The following CNNM2 variants were observed in gnomAD, a reference collection of about 807,000 sequenced individuals.
The protein encoded by CNNM2 is metal transporter CNNM2.
A neutral mutation model predicts 66.9 loss-of-function variants in CNNM2; 12 were observed. That is an observed-to-expected ratio of 0.18 (90% CI 0.11 to 0.29). The LOEUF (loss-of-function observed/expected upper bound fraction) is 0.29, where lower values mean the gene tolerates loss of function less well. Ranked by LOEUF, CNNM2 falls within the 10% of genes least tolerant of loss-of-function variation. CNNM2 has a pLI of 1.00. For synonymous variants in CNNM2, 557 were observed against 501.8 expected, an observed-to-expected ratio of 1.11 and a Z score of -1.47; for missense variants, 705 against 1,167.7, an observed-to-expected ratio of 0.60 and a Z score of 5.77.
At chr10:103,020,817 G>C (rs2064560246) in intron 1 of CNNM2, among the ~76,000 whole-genome samples, 1 of 151,944 alleles carries the variant, frequency 6.6e-6, no homozygotes, top group African/African-American at 2.4e-5. Context: ...TAGGAACAGT[G>C]GATTGAAAAC....
intron 2 of CNNM2, among the ~76,000 whole-genome samples, chr10:103,052,455 A>T (rs547513355): frequency 1.3e-5 from 2 of 152,064 alleles, no homozygotes; most frequent in South Asian, 2.1e-4. Flanking sequence ...GACTGATCTC[A>T]TACAGAAGTG....
intron 1 of CNNM2, among the ~76,000 whole-genome samples, chr10:103,036,138 C>G (rs1036600513): frequency 5.3e-5 from 8 of 151,722 alleles, no homozygotes; most frequent in Admixed American, 3.9e-4. Context: ...GACACACACA[C>G]ACACACACAC....
intron 1 of CNNM2, among the ~76,000 whole-genome samples, chr10:102,924,712 C>T (rs1178622325): frequency 2.0e-5 from 3 of 151,882 alleles, no homozygotes; most frequent in Admixed American, 2.0e-4. Context: ...TCAAGCAATC[C>T]TCCCATCTGA....
chr10:102,954,290 G>C (rs750171958), intron 1 of CNNM2, among the ~76,000 whole-genome samples: 39 of 151,704 alleles, frequency 2.6e-4, no homozygotes, highest in Non-Finnish European at 5.3e-4. Flanking sequence ...ACCATGCCTG[G>C]CTCATTCTTT....
chr10:102,991,277 C>T (rs929182544), intron 1 of CNNM2, among the ~76,000 whole-genome samples: 4 of 152,102 alleles, frequency 2.6e-5, no homozygotes, highest in Non-Finnish European at 5.9e-5. Context: ...TGTGACTCGC[C>T]GCACCAGGCC....
intron 1 of CNNM2, among the ~76,000 whole-genome samples, chr10:102,952,622 CAAAAAAA>C (rs35818455): frequency 1.6e-5 from 2 of 127,092 alleles, no homozygotes; most frequent in Admixed American, 7.9e-5. Flanking sequence ...CTGTCTCTAC[CAAAAAAA>C]AAAAAAAAAA....
At chr10:103,030,580 G>T (rs192171302) in intron 1 of CNNM2, among the ~76,000 whole-genome samples, 1 of 152,146 alleles carries the variant, frequency 6.6e-6, no homozygotes, top group African/African-American at 2.4e-5. Context: ...GCCAGGCGTG[G>T]TGGCACACCT....
At chr10:103,068,004 G>C (rs567249177) in intron 4 of CNNM2, among the ~76,000 whole-genome samples, 23 of 152,324 alleles carry the variant, frequency 1.5e-4, no homozygotes, top group African/African-American at 5.1e-4. Flanking sequence ...ATTCCTCTCT[G>C]TTCCATGGCC....
chr10:103,059,599 A>G (rs1263664856), intron 4 of CNNM2, among the ~76,000 whole-genome samples: 1 of 152,242 alleles, frequency 6.6e-6, no homozygotes, highest in Non-Finnish European at 1.5e-5. Context: ...GCATTTCAGA[A>G]GCAATAAAGA....
intron 1 of CNNM2, among the ~76,000 whole-genome samples, chr10:103,024,779 A>T (rs1043130132): frequency 6.6e-6 from 1 of 152,108 alleles, no homozygotes; most frequent in Admixed American, 6.5e-5. Flanking sequence ...CACCCGGCCG[A>T]TATTGGCTTT....
rs59984156 is a variant in CNNM2, at chr10:103,017,963, C to CAAAAAAAAAAAAAA, written c.1622-31739_1622-31726dup. Among the ~76,000 whole-genome samples the CAAAAAAAAAAAAAA allele has an allele frequency of 1.0e-2, 786 of 78,668 alleles. 59 individuals are homozygous for CAAAAAAAAAAAAAA. Among genetic ancestry groups the CAAAAAAAAAAAAAA allele is most frequent in the Non-Finnish European group, 0.014 (584 of 41,930 alleles). 51.6% of individuals were successfully genotyped at this position (78,668 alleles called of 152,430 possible). On this transcript the variant is annotated intron_variant, in intron 1 of 7. Coordinates refer to ENST00000369878, the MANE Select transcript of CNNM2 (RefSeq NM_017649.5). ...TGGGGGACAGAGCAAGAATCTGTCTCAAAAAAAAAAAAAAAAAAGGCAAGC... is the reference window on the plus strand; with the variant it reads ...TGGGGGACAGAGCAAGAATCTGTCTCAAAAAAAAAAAAAAAAAAAAAAAAAAAAAAAAGGCAAGC...
rs143557932 is a variant in CNNM2 at position 103,039,262 on chromosome 10, G to A, written c.1622-10445G>A. Among the ~76,000 whole-genome samples, 2,122 of 152,028 alleles carry A rather than the reference G, an allele frequency of 0.014. 33 individuals are homozygous for A. The highest frequency in any genetic ancestry group is 0.024 in the Middle Eastern group (7 of 294). On this transcript the variant is annotated intron_variant, in intron 1 of 7. Coordinates refer to ENST00000369878, the MANE Select transcript of CNNM2 (RefSeq NM_017649.5). ...AGATTCAGTCCTGCCTCAGCCTCCC[G>A]AGTAGCTGGGACTACAGGAGTGCAC... is the stretch of plus-strand genomic sequence containing the variant.
In CNNM2 at chr10:102,919,957, G is replaced by A; in HGVS notation, c.1477G>A (p.Asp493Asn). Residue 493 changes from aspartate to asparagine, a missense_variant, in exon 1 of 8, where the codon GAC becomes AAC. By Grantham distance (23) the Asp-to-Asn change is conservative (BLOSUM62 1). Transcript: ENST00000369878. ...TGAAGGGGAGCGCTCCAATATCGTG[G>A]ACCTGCTGTTTGTCAAAGACTTGGC... ...VFEGERSNIVDLLFVKDLAFV... is the reference protein window; with the variant it reads ...VFEGERSNIVNLLFVKDLAFV... 1 of 1,614,222 alleles carries A rather than the reference G, an allele frequency of 6.2e-7. No individual in the cohort carries two copies. Among genetic ancestry groups the A allele is most frequent in the Non-Finnish European group, 8.5e-7 (1 of 1,180,042 alleles).
chr10:102,981,014 C>G (rs1347191405), intron 1 of CNNM2, among the ~76,000 whole-genome samples: 1 of 152,168 alleles, frequency 6.6e-6, no homozygotes, highest in South Asian at 2.1e-4. Context: ...TGTGCTGGCT[C>G]TGTACTGCTG....
At chr10:103,036,955 A>G (rs1419819680) in intron 1 of CNNM2, among the ~76,000 whole-genome samples, 1 of 152,106 alleles carries the variant, frequency 6.6e-6, no homozygotes, top group Non-Finnish European at 1.5e-5. Context: ...GGCTCTGTCA[A>G]TGCTCATATC....
At chr10:103,045,236 C>T (rs1195181394) in intron 1 of CNNM2, among the ~76,000 whole-genome samples, 1 of 152,180 alleles carries the variant, frequency 6.6e-6, no homozygotes, top group Non-Finnish European at 1.5e-5. Context: ...GTGTTTATAT[C>T]CATTGCTGAT....
rs953777476 is a variant in CNNM2, at chr10:103,085,374, A to AT, written c.*8194_*8195insT. On this transcript the variant is annotated 3_prime_UTR_variant, in exon 8 of 8. Transcript: ENST00000369878. ...CTCTCTCAAAGACTGGACACTGAGT[A>AT]AACATTTTTCAGTGTGGGGAAGGTT... is the stretch of plus-strand genomic sequence containing the variant. 4.6e-5 allele frequency: 7 copies of AT among 152,234 alleles called. No individual in the cohort carries two copies. The highest frequency in any genetic ancestry group is 4.6e-4 in the Admixed American group (7 of 15,288). The allele number at this position is 152,234 out of a possible 1,614,324, so 9.4% of individuals were successfully genotyped here.
Position 103,089,487 on chromosome 10 carries a change from A to G in CNNM2, c.*12307A>G. 9.4e-7 allele frequency: 1 copy of G among 1,067,682 alleles called. No homozygotes were observed. Among genetic ancestry groups the G allele is most frequent in the Non-Finnish European group, 1.3e-6 (1 of 786,868 alleles). The allele number at this position is 1,067,682 out of a possible 1,614,324, so 66.1% of individuals were successfully genotyped here. A position where few individuals can be genotyped will look rare whatever the true frequency, so the allele number is the denominator to read the frequency against. The stretch of plus-strand genomic sequence containing the variant: ...TCCATTACAATTTTGGACCATCTGC[A>G]GAGAGTACAGATACACAAAACCAAA... On this transcript the variant is annotated 3_prime_UTR_variant, in exon 8 of 8. Transcript: ENST00000369878.
At position 102,928,752 on chromosome 10, in the gene CNNM2, C is replaced by T. The variant is rs145032609; in HGVS notation, c.1621+8651C>T. Among the ~76,000 whole-genome samples, 581 of 152,206 alleles carry T rather than the reference C, an allele frequency of 3.8e-3. 4 individuals are homozygous for T. Among genetic ancestry groups the T allele is most frequent in the African/African-American group, 0.014 (563 of 41,520 alleles). On this transcript the variant is annotated intron_variant, in intron 1 of 7. Transcript: ENST00000369878. ...AGTTCCCTCCAGCACTTGTATGAGG[C>T]GCTGGTTCAGAGTCCCCATGGCTTA...
Sources: gnomAD v4.1 joint callset for allele counts (sites outside exome capture counted in the v4.1 genomes callset) on GRCh38, gnomAD v4.1.1 for gene constraint, MANE v1.5 for transcripts, NCBI Gene and HGNC (gene_info 2026-07-23, HGNC 2026-07-21) for gene names.